Variants in SLC39A10 observed in about 807,000 individuals in gnomAD.
SLC39A10 encodes solute carrier family 39 member 10, also known as zinc transporter ZIP10.
In SLC39A10, 13 loss-of-function variants were observed where a neutral mutation model predicts 65.1. The observed-to-expected ratio is 0.20, with a 90% CI of 0.13 to 0.32. The LOEUF (loss-of-function observed/expected upper bound fraction) is 0.32, where lower values mean the gene tolerates loss of function less well. Among genes scored for constraint, SLC39A10 ranks in the 10% least tolerant of loss-of-function variants. The pLI is 1.00. For synonymous variants in SLC39A10, 321 were observed against 342.2 expected (o/e 0.94, Z 0.68); for missense variants, 831 against 1,018.4 (o/e 0.82, Z 2.50).
intron 2 of SLC39A10, among the ~76,000 whole-genome samples, chr2:195,630,240 AC>A (rs1039702314): frequency 2.0e-5 from 3 of 150,328 alleles, no homozygotes; most frequent in African/African-American, 7.4e-5. Flanking sequence ...TGGGGTTCCC[AC>A]AACCCCCTCT....
chr2:195,679,459 C>T (rs545021134), intron 1 of SLC39A10, among the ~76,000 whole-genome samples: 36 of 152,194 alleles, frequency 2.4e-4, no homozygotes, highest in African/African-American at 8.7e-4. Context: ...ACATCTTAGC[C>T]GTTCTTGGCC....
At chr2:195,707,985 A>G (rs913806712) in intron 4 of SLC39A10, among the ~76,000 whole-genome samples, 7 of 152,196 alleles carry the variant, frequency 4.6e-5, no homozygotes, top group African/African-American at 1.4e-4. Context: ...AACCTTTTCT[A>G]TACATACATT....
intron 1 of SLC39A10, among the ~76,000 whole-genome samples, chr2:195,669,767 G>A (rs1689779794): frequency 6.6e-6 from 1 of 152,156 alleles, no homozygotes; most frequent in Non-Finnish European, 1.5e-5. Context: ...GGAGGCTGAG[G>A]TGGGGAGGAT....
At chr2:195,630,856 A>G (rs1057147023) in intron 2 of SLC39A10, among the ~76,000 whole-genome samples, 2 of 152,180 alleles carry the variant, frequency 1.3e-5, no homozygotes, top group Non-Finnish European at 2.9e-5. Flanking sequence ...AAAACACCAA[A>G]CATATTTTGG....
At chr2:195,716,327 C>T (rs1691807000) in intron 6 of SLC39A10, among the ~76,000 whole-genome samples, 1 of 152,118 alleles carries the variant, frequency 6.6e-6, no homozygotes, top group African/African-American at 2.4e-5. Flanking sequence ...CAGTTTTTCT[C>T]CTCACTTTGC....
Position 195,735,864 on chromosome 2 carries a change from A to C in SLC39A10, c.*823A>C, listed in dbSNP as rs1315725942. Reference sequence around the variant, plus strand: ...GGGTTTGGAGCATGTGGTCTTTTTAAAAAATTGTAACCCTCTAGAAAATAT... The same window carrying C: ...GGGTTTGGAGCATGTGGTCTTTTTACAAAATTGTAACCCTCTAGAAAATAT... On this transcript the variant is annotated 3_prime_UTR_variant, in exon 10 of 10. Transcript: ENST00000359634. 1 of 144,476 alleles carries C rather than the reference A, an allele frequency of 6.9e-6. No individual in the cohort carries two copies. Among genetic ancestry groups the C allele is most frequent in the South Asian group, 2.1e-4 (1 of 4,670 alleles). The allele number at this position is 144,476 out of a possible 1,614,324, so 8.9% of individuals were successfully genotyped here. A position where few individuals can be genotyped will look rare whatever the true frequency, so the allele number is the denominator to read the frequency against.
intron 2 of SLC39A10, among the ~76,000 whole-genome samples, chr2:195,626,127 A>G (rs984929506): frequency 1.3e-5 from 2 of 152,180 alleles, no homozygotes; most frequent in Non-Finnish European, 2.9e-5. Context: ...ATTTAAGTAT[A>G]TATGTACATT....
chr2:195,695,247 T>C (rs1158037089), intron 3 of SLC39A10, among the ~76,000 whole-genome samples: 1 of 152,122 alleles, frequency 6.6e-6, no homozygotes, highest in Non-Finnish European at 1.5e-5. Flanking sequence ...ATGGCTGAGC[T>C]CAGACTCTCC....
chr2:195,656,356 G>C (rs923056346), upstream of SLC39A10, among the ~76,000 whole-genome samples: 1 of 152,156 alleles, frequency 6.6e-6, no homozygotes, highest in Non-Finnish European at 1.5e-5. Flanking sequence ...GGGATGTATG[G>C]CGTGAGCAAA....
chr2:195,626,210 G>C (rs949699171), intron 2 of SLC39A10, among the ~76,000 whole-genome samples: 5 of 152,138 alleles, frequency 3.3e-5, no homozygotes, highest in East Asian at 1.9e-4. Context: ...AAAGCTTCAG[G>C]CCTCCTCTAA....
intron 6 of SLC39A10, among the ~76,000 whole-genome samples, chr2:195,714,913 C>CT (rs1248801524): frequency 1.3e-5 from 2 of 151,580 alleles, no homozygotes; most frequent in Non-Finnish European, 2.9e-5. Context: ...CCATCACGCC[C>CT]GTCTAATTTT....
At chr2:195,667,723 G>A (rs537171155) in intron 1 of SLC39A10, among the ~76,000 whole-genome samples, 7 of 152,166 alleles carry the variant, frequency 4.6e-5, no homozygotes, top group African/African-American at 1.7e-4. Context: ...CTGTTTTGCA[G>A]AGAGAAAACA....
chr2:195,735,177 C>A lies in SLC39A10; in HGVS notation c.*136C>A, dbSNP rs1037014991. 2.4e-6 allele frequency: 2 copies of A among 844,764 alleles called. No individual in the cohort carries two copies. The highest frequency in any genetic ancestry group is 3.5e-5 in the African/African-American group (2 of 56,668). The allele number at this position is 844,764 out of a possible 1,614,324, so 52.3% of individuals were successfully genotyped here. A position where few individuals can be genotyped will look rare whatever the true frequency, so the allele number is the denominator to read the frequency against. On this transcript the variant is annotated 3_prime_UTR_variant, in exon 10 of 10. Coordinates refer to ENST00000359634, the MANE Select transcript of SLC39A10 (RefSeq NM_020342.3). ...ACAAGTTTCATAGATTTGAGCCTAA[C>A]CACAAGAGGCTGGTGCTTAGTACTG...
chr2:195,635,351 T>A (rs1227700486), intron 2 of SLC39A10, among the ~76,000 whole-genome samples: 1 of 152,204 alleles, frequency 6.6e-6, no homozygotes, highest in Non-Finnish European at 1.5e-5. Flanking sequence ...GGAATATCAA[T>A]TGGCTTAATT....
Position 195,717,101 on chromosome 2 carries a change from T to G in SLC39A10, c.2065+96T>G, listed in dbSNP as rs192079378. 8.3e-4 allele frequency: 1,207 copies of G among 1,458,836 alleles called. 10 individuals are homozygous for G. Among genetic ancestry groups the G allele is most frequent in the Non-Finnish European group, 2.3e-4 (249 of 1,091,180 alleles). 90.4% of individuals were successfully genotyped at this position (1,458,836 alleles called of 1,614,324 possible). A position where few individuals can be genotyped will look rare whatever the true frequency, so the allele number is the denominator to read the frequency against. The stretch of plus-strand genomic sequence containing the variant: ...AGCTTAACAAATATATGGTTATGTA[T>G]CACTCTGGTCAGTTGATTTTTCCCA... On this transcript the variant is annotated intron_variant, in intron 7 of 9. Transcript: ENST00000359634.
chr2:195,638,947 T>G (rs1393543291), intron 2 of SLC39A10, among the ~76,000 whole-genome samples: 16 of 137,024 alleles, frequency 1.2e-4, no homozygotes, highest in Admixed American at 1.1e-3. Flanking sequence ...TTGATGACCT[T>G]GGCAGTTTTT....
intron 2 of SLC39A10, among the ~76,000 whole-genome samples, chr2:195,639,722 G>A (rs1322770434): frequency 2.0e-5 from 3 of 151,992 alleles, no homozygotes; most frequent in East Asian, 3.9e-4. Context: ...GATTACAGGC[G>A]AGTGCCACCA....
At chr2:195,719,380 A>G (rs991782608) in intron 8 of SLC39A10, among the ~76,000 whole-genome samples, 1 of 152,194 alleles carries the variant, frequency 6.6e-6, no homozygotes, top group African/African-American at 2.4e-5. Flanking sequence ...TGCTTTCGCC[A>G]CATTTTACAT....
At chr2:195,668,688 TTTGTTG>T (rs761363701) in intron 1 of SLC39A10, among the ~76,000 whole-genome samples, 1 of 152,162 alleles carries the variant, frequency 6.6e-6, no homozygotes, top group African/African-American at 2.4e-5. Context: ...AAAAGAGGTT[TTTGTTG>T]TTGTTGTTGT....
Sources: allele counts gnomAD v4.1 joint callset (sites outside exome capture counted in the v4.1 genomes callset), GRCh38; gene constraint gnomAD v4.1.1; transcripts MANE v1.5; gene names NCBI Gene and HGNC (gene_info 2026-07-23, HGNC 2026-07-21).